Variants in ANKDD1B observed in about 807,000 individuals in gnomAD.
ANKDD1B encodes the protein ankyrin repeat and death domain containing 1B, also known as ankyrin repeat and death domain-containing protein 1B.
In ANKDD1B, 57 loss-of-function variants were observed where a neutral mutation model predicts 59.7. The ratio of observed to expected loss-of-function variants is 0.95; its 90% confidence interval spans 0.77 to 1.19. ANKDD1B has a LOEUF of 1.19. Among genes scored for constraint, ANKDD1B ranks in the 50% most tolerant of loss-of-function variants. The pLI, the probability that ANKDD1B is intolerant of heterozygous loss-of-function variation, is 0.00. For missense variants in ANKDD1B, 602 were observed against 641.9 expected (o/e 0.94, Z 0.67); for synonymous variants, 216 against 239.5 (o/e 0.90, Z 0.91).
chr5:75,647,159 C>T (rs1774650106), intron 7 of ANKDD1B, among the ~76,000 whole-genome samples: 1 of 97,286 alleles, frequency 1.0e-5, no homozygotes, highest in Non-Finnish European at 1.8e-5. Flanking sequence ...TAGAAGAAAA[C>T]CTAGGCATTA....
chr5:75,632,297 G>A (rs1774187027), intron 5 of ANKDD1B, among the ~76,000 whole-genome samples: 1 of 152,090 alleles, frequency 6.6e-6, no homozygotes, highest in African/African-American at 2.4e-5. Context: ...CATGGATTCA[G>A]GTATGTCTGA....
intron 10 of ANKDD1B, among the ~76,000 whole-genome samples, chr5:75,660,769 A>T (rs1775115775): frequency 6.6e-6 from 1 of 152,174 alleles, no homozygotes; most frequent in Non-Finnish European, 1.5e-5. Flanking sequence ...CAGATTGGAG[A>T]GATTCTGATG....
intron 2 of ANKDD1B, among the ~76,000 whole-genome samples, chr5:75,617,343 G>T (rs1431286345): frequency 1.3e-5 from 2 of 152,162 alleles, no homozygotes; most frequent in East Asian, 3.8e-4. Context: ...AAAATCTAAA[G>T]AGGCGTGTGG....
At chr5:75,616,746 T>A (rs1773726336) in intron 1 of ANKDD1B, 58 bp from the exon 2 acceptor site, 3 of 756,766 alleles carry the variant, frequency 4.0e-6, no homozygotes, top group Non-Finnish European at 6.3e-6. Flanking sequence ...CTATGAAATA[T>A]GCTTTCTCTT....
chr5:75,657,797 G>GA (rs999059980), intron 9 of ANKDD1B, among the ~76,000 whole-genome samples: 6 of 151,890 alleles, frequency 4.0e-5, no homozygotes, highest in Admixed American at 1.3e-4. Flanking sequence ...TTGGGAGACT[G>GA]AGGCAGAAGA....
intron 1 of ANKDD1B, among the ~76,000 whole-genome samples, chr5:75,613,465 C>G (rs1301168223): frequency 6.6e-6 from 1 of 152,006 alleles, no homozygotes; most frequent in Non-Finnish European, 1.5e-5. Context: ...TTCCTAGGTA[C>G]AGGGATGCTT....
At position 75,635,093 on chromosome 5, in the gene ANKDD1B, G is replaced by A. The variant is rs16872673; in HGVS notation, c.699+97G>A. ...ATTGGCATGTAGATTTGGTGAGGGC[G>A]TTTTAGTCAGCAGGAGAGTTAAATT... On this transcript the variant is annotated intron_variant, in intron 6 of 13. Coordinates refer to ENST00000601380, the MANE Select transcript of ANKDD1B (RefSeq NM_001276713.2). 7,261 of 765,488 alleles carry A rather than the reference G, an allele frequency of 9.5e-3. 311 individuals carry two copies. The African/African-American group carries it at 0.1, about 11-fold the overall frequency. 47.4% of individuals were successfully genotyped at this position (765,488 alleles called of 1,614,324 possible). A position where few individuals can be genotyped will look rare whatever the true frequency, so the allele number is the denominator to read the frequency against.
chr5:75,617,340 A>G (rs1330378663), intron 2 of ANKDD1B, among the ~76,000 whole-genome samples: 3 of 152,160 alleles, frequency 2.0e-5, no homozygotes, highest in African/African-American at 7.2e-5. Flanking sequence ...TTAAAAATCT[A>G]AAGAGGCGTG....
intron 12 of ANKDD1B, among the ~76,000 whole-genome samples, chr5:75,668,679 CCT>C (rs1775381461): frequency 6.6e-6 from 1 of 152,218 alleles, no homozygotes; most frequent in Non-Finnish European, 1.5e-5. Context: ...TCCCCCAACA[CCT>C]CTCTAGGCTG....
intron 7 of ANKDD1B, among the ~76,000 whole-genome samples, chr5:75,640,253 C>A (rs765285974): frequency 6.6e-6 from 1 of 152,096 alleles, no homozygotes; most frequent in Non-Finnish European, 1.5e-5. Context: ...CCACGTTGCC[C>A]AGGCTGGTCT....
chr5:75,614,072 G>A (rs1282931728), intron 1 of ANKDD1B, among the ~76,000 whole-genome samples: 1 of 152,186 alleles, frequency 6.6e-6, no homozygotes, highest in East Asian at 1.9e-4. Flanking sequence ...GATCATAAAG[G>A]GGTTGAGATT....
At chr5:75,668,752 A>T (rs1449727042) in intron 12 of ANKDD1B, among the ~76,000 whole-genome samples, 1 of 152,214 alleles carries the variant, frequency 6.6e-6, no homozygotes, top group Non-Finnish European at 1.5e-5. Context: ...AACTTCCCTC[A>T]GAGTAGCTTC....
chr5:75,633,795 G>C (rs1774227309), intron 5 of ANKDD1B, among the ~76,000 whole-genome samples: 1 of 152,130 alleles, frequency 6.6e-6, no homozygotes, highest in East Asian at 1.9e-4. Flanking sequence ...GTAGGAGGTG[G>C]GACCTATTGG....
At chr5:75,642,486 G>C (rs61649644) in intron 7 of ANKDD1B, among the ~76,000 whole-genome samples, 4 of 137,042 alleles carry the variant, frequency 2.9e-5, no homozygotes, top group Middle Eastern at 3.6e-3. Context: ...AAGGGGTGAC[G>C]GACGCACCTG....
chr5:75,614,084 T>C (rs1773649532), intron 1 of ANKDD1B, among the ~76,000 whole-genome samples: 1 of 152,236 alleles, frequency 6.6e-6, no homozygotes, highest in Non-Finnish European at 1.5e-5. Flanking sequence ...GTTGAGATTT[T>C]ACCCTACTTG....
intron 9 of ANKDD1B, among the ~76,000 whole-genome samples, chr5:75,658,271 C>G (rs1316865748): frequency 6.6e-6 from 1 of 152,100 alleles, no homozygotes; most frequent in Admixed American, 6.5e-5. Flanking sequence ...GCCCTGTGCT[C>G]TGGTAGGAAG....
chr5:75,639,388 G>C (rs1774402959), intron 7 of ANKDD1B, among the ~76,000 whole-genome samples: 1 of 152,008 alleles, frequency 6.6e-6, no homozygotes, highest in South Asian at 2.1e-4. Flanking sequence ...GTAGAGACAG[G>C]GTTTCACCAT....
chr5:75,642,488 A>AT (rs1774501435), intron 7 of ANKDD1B, among the ~76,000 whole-genome samples: 1 of 137,926 alleles, frequency 7.3e-6, no homozygotes, highest in African/African-American at 2.8e-5. Context: ...GGGGTGACGG[A>AT]CGCACCTGGA....
chr5:75,661,352 G>GT (rs1199419389), intron 10 of ANKDD1B, among the ~76,000 whole-genome samples: 2 of 134,894 alleles, frequency 1.5e-5, no homozygotes, highest in Admixed American at 8.4e-5. Context: ...AGCCGAGACC[G>GT]TGCCAGTGCA....
Sources: allele counts gnomAD v4.1 joint callset (sites outside exome capture counted in the v4.1 genomes callset), GRCh38; gene constraint gnomAD v4.1.1; transcripts MANE v1.5; gene names NCBI Gene and HGNC (gene_info 2026-07-23, HGNC 2026-07-21).